The following KYNU variants were observed in gnomAD, a reference collection of about 807,000 sequenced individuals.
The protein encoded by KYNU is L-kynurenine hydrolase.
A neutral mutation model predicts 59.2 loss-of-function variants in KYNU; 54 were observed. That is an observed-to-expected ratio of 0.91 (90% confidence interval 0.73 to 1.14). The LOEUF (loss-of-function observed/expected upper bound fraction) is 1.14. Among genes scored for constraint, KYNU ranks in the 50% most tolerant of loss-of-function variants. The pLI is 0.00. For missense variants in KYNU, 567 were observed against 554.4 expected (o/e 1.02, Z -0.23); for synonymous variants, 177 against 192.0 (o/e 0.92, Z 0.65).
intron 1 of KYNU, among the ~76,000 whole-genome samples, chr2:142,879,850 A>G (rs1464055713): frequency 6.6e-6 from 1 of 152,208 alleles, no homozygotes; most frequent in East Asian, 1.9e-4. Context: ...GGAAAGTTGA[A>G]TTTTATTCAG....
chr2:143,006,453 C>G (rs1685899914), intron 10 of KYNU, among the ~76,000 whole-genome samples: 1 of 149,116 alleles, frequency 6.7e-6, no homozygotes. Flanking sequence ...TGAGATCAAA[C>G]TGCAAGGTGG....
At chr2:142,960,207 A>G (rs2105096897) in intron 7 of KYNU, among the ~76,000 whole-genome samples, 1 of 152,272 alleles carries the variant, frequency 6.6e-6, no homozygotes, top group East Asian at 1.9e-4. Context: ...TTTGGAAACA[A>G]TAACAGGATA....
chr2:142,923,734 A>G (rs1258645160), intron 3 of KYNU, among the ~76,000 whole-genome samples: 1 of 152,232 alleles, frequency 6.6e-6, no homozygotes, highest in African/African-American at 2.4e-5. Flanking sequence ...ACATTGTCAA[A>G]TCTGCTACAT....
chr2:143,004,632 C>T (rs1364485010), intron 10 of KYNU, among the ~76,000 whole-genome samples: 2 of 152,056 alleles, frequency 1.3e-5, no homozygotes, highest in Admixed American at 6.6e-5. Flanking sequence ...ACCAGGGAGG[C>T]GGAGGTTGCA....
At chr2:142,987,932 T>A (rs1488004215) in intron 10 of KYNU, among the ~76,000 whole-genome samples, 1 of 151,868 alleles carries the variant, frequency 6.6e-6, no homozygotes, top group African/African-American at 2.4e-5. Flanking sequence ...CCTCCTGCTC[T>A]GGCCATGAAA....
In KYNU at chr2:143,050,601, T is replaced by C. The variant is rs140486594; in HGVS notation, c.*8429T>C. 5.9e-5 allele frequency: 9 copies of C among 152,330 alleles called. No individual in the cohort carries two copies. The East Asian group carries it at 1.7e-3, about 29-fold the overall frequency. The allele number at this position is 152,330 out of a possible 1,614,324, so 9.4% of individuals were successfully genotyped here. A position where few individuals can be genotyped will look rare whatever the true frequency, so the allele number is the denominator to read the frequency against. On this transcript the variant is annotated 3_prime_UTR_variant, in exon 14 of 14. Coordinates refer to ENST00000264170, the MANE Select transcript of KYNU (RefSeq NM_003937.3). ...GTGATCTTCTGGGGCTATTACAATA[T>C]ATAGGGCTGTTTTTTTAAAACTAAT...
At chr2:143,011,954 C>T (rs1686114081) in intron 10 of KYNU, among the ~76,000 whole-genome samples, 1 of 145,802 alleles carries the variant, frequency 6.9e-6, no homozygotes, top group East Asian at 2.1e-4. Flanking sequence ...GGGAGATATA[C>T]CTAATGCTAG....
chr2:142,925,232 A>G (rs752235297), intron 3 of KYNU, among the ~76,000 whole-genome samples: 2 of 152,218 alleles, frequency 1.3e-5, no homozygotes, highest in Admixed American at 6.5e-5. Context: ...TTTTGTCTTT[A>G]GCATTTATAT....
intron 4 of KYNU, among the ~76,000 whole-genome samples, chr2:142,937,119 T>G (rs1457841971): frequency 6.6e-6 from 1 of 152,120 alleles, no homozygotes; most frequent in Non-Finnish European, 1.5e-5. Flanking sequence ...TTCTCGATCT[T>G]CAGGAGTATG....
chr2:143,002,328 G>A (rs1023197819), intron 10 of KYNU, among the ~76,000 whole-genome samples: 1 of 152,136 alleles, frequency 6.6e-6, no homozygotes, highest in African/African-American at 2.4e-5. Flanking sequence ...AAACCCCAAT[G>A]TCTTGACCAC....
intron 3 of KYNU, among the ~76,000 whole-genome samples, chr2:142,927,423 A>T (rs1683079086): frequency 6.6e-6 from 1 of 150,662 alleles, no homozygotes; most frequent in African/African-American, 2.5e-5. Context: ...AAAATAACAT[A>T]TGAACAATCT....
At chr2:143,000,272 T>A (rs1442551559) in intron 10 of KYNU, among the ~76,000 whole-genome samples, 1 of 152,228 alleles carries the variant, frequency 6.6e-6, no homozygotes, top group Non-Finnish European at 1.5e-5. Context: ...TTCAATGATA[T>A]CACTGTTACA....
chr2:142,890,515 T>TCACC (rs1681678041), intron 2 of KYNU, among the ~76,000 whole-genome samples: 1 of 152,194 alleles, frequency 6.6e-6, no homozygotes, highest in African/African-American at 2.4e-5. Context: ...TCTTGCTCTG[T>TCACC]CACCCAGGCT....
intron 10 of KYNU, among the ~76,000 whole-genome samples, chr2:143,018,142 T>C (rs1166005640): frequency 2.0e-5 from 3 of 152,208 alleles, no homozygotes; most frequent in African/African-American, 7.2e-5. Flanking sequence ...CTCTTTAGTT[T>C]AATTAGGTCT....
chr2:143,013,376 C>G (rs1004138305), intron 10 of KYNU, among the ~76,000 whole-genome samples: 3 of 151,602 alleles, frequency 2.0e-5, no homozygotes, highest in African/African-American at 7.3e-5. Flanking sequence ...GATCCCAAAT[C>G]TTCACAATTT....
intron 2 of KYNU, among the ~76,000 whole-genome samples, chr2:142,893,403 A>C (rs1681772671): frequency 6.6e-6 from 1 of 152,226 alleles, no homozygotes; most frequent in African/African-American, 2.4e-5. Flanking sequence ...AGACTGTATA[A>C]GCCTTTCATT....
Position 142,906,935 on chromosome 2 carries a change from T to C in KYNU, c.170-11674T>C, listed in dbSNP as rs142927959. Among the ~76,000 whole-genome samples, 1,235 of 152,268 alleles carry C rather than the reference T, an allele frequency of 8.1e-3. 13 individuals are homozygous for C. Among genetic ancestry groups the C allele is most frequent in the African/African-American group, 0.028 (1,161 of 41,552 alleles). ...CAGACCAACTCTCCCAACCCAGAAG[T>C]TGTTAGAAAGCCTTTTCCCAGGAAG... On this transcript the variant is annotated intron_variant, in intron 2 of 13. Coordinates refer to ENST00000264170, the MANE Select transcript of KYNU (RefSeq NM_003937.3).
intron 10 of KYNU, among the ~76,000 whole-genome samples, chr2:143,023,750 A>G (rs1320277292): frequency 6.6e-6 from 1 of 151,950 alleles, no homozygotes; most frequent in Non-Finnish European, 1.5e-5. Context: ...AAAGAAAAAG[A>G]AAAATTTAAA....
intron 10 of KYNU, among the ~76,000 whole-genome samples, chr2:142,990,592 G>A (rs993612183): frequency 6.6e-6 from 1 of 151,758 alleles, no homozygotes; most frequent in African/African-American, 2.4e-5. Flanking sequence ...TTTTATGTGA[G>A]CCAGTGAAAT....
Sources: gnomAD v4.1 joint callset for allele counts (sites outside exome capture counted in the v4.1 genomes callset) on GRCh38, gnomAD v4.1.1 for gene constraint, MANE v1.5 for transcripts, NCBI Gene and HGNC (gene_info 2026-07-23, HGNC 2026-07-21) for gene names.